Variants in ERCC4 observed in about 807,000 individuals in gnomAD.
ERCC4 encodes the protein ERCC excision repair 4, endonuclease catalytic subunit, also known as DNA repair endonuclease XPF.
A neutral mutation model predicts 76.9 loss-of-function variants in ERCC4; 65 were observed. The ratio of observed to expected loss-of-function variants is 0.84; its 90% CI spans 0.69 to 1.04. ERCC4 has a LOEUF of 1.04. Ranked by LOEUF, ERCC4 falls within the 50% of genes least tolerant of loss-of-function variation. ERCC4 has a pLI of 0.00. For synonymous variants in ERCC4, 463 were observed against 410.1 expected, an observed-to-expected ratio of 1.13 and a Z score of -1.56; for missense variants, 1,214 against 1,128.2, an observed-to-expected ratio of 1.08 and a Z score of -1.09.
chr16:13,925,967 G>A (rs752113686), intron 2 of ERCC4, among the ~76,000 whole-genome samples: 1 of 152,090 alleles, frequency 6.6e-6, no homozygotes, highest in African/African-American at 2.4e-5. Context: ...TAAGTATGTC[G>A]ATTGAAGGTT....
intron 9 of ERCC4, among the ~76,000 whole-genome samples, chr16:13,943,234 C>T (rs543148173): frequency 6.6e-6 from 1 of 152,176 alleles, no homozygotes. Context: ...TTCATTTCCT[C>T]TAATGGGTGT....
Position 13,951,743 on chromosome 16 carries a change from G to A in ERCC4, c.*3396G>A. 4.5e-6 allele frequency: 1 copy of A among 221,888 alleles called. No homozygotes were observed. The highest frequency in any genetic ancestry group is 9.0e-6 in the Non-Finnish European group (1 of 110,978). 13.7% of individuals were successfully genotyped at this position (221,888 alleles called of 1,614,324 possible). ...TACACTAAAGCAAATCCGAAGAAGT[G>A]GGGCAGGGGGAAAGAGGCATTACTG... On this transcript the variant is annotated 3_prime_UTR_variant, in exon 11 of 11. Coordinates refer to ENST00000311895, the MANE Select transcript of ERCC4 (RefSeq NM_005236.3).
At chr16:13,938,171 A>G (rs994175865) in intron 9 of ERCC4, among the ~76,000 whole-genome samples, 4 of 152,160 alleles carry the variant, frequency 2.6e-5, no homozygotes, top group African/African-American at 9.7e-5. Flanking sequence ...TATAGCTAAA[A>G]TACTGCTTTT....
At position 13,932,223 on chromosome 16, in the gene ERCC4, C is replaced by A; in HGVS notation, c.1040C>A (p.Pro347Gln). 1 of 1,611,754 alleles carries A rather than the reference C, an allele frequency of 6.2e-7. No homozygotes were observed. The highest frequency in any genetic ancestry group is 8.5e-7 in the Non-Finnish European group (1 of 1,178,094). ...INARARVYHL[P>Q]DAKMSKKEKI... ...GCTCGAGCAAGGGTTTATCATCTTCCAGATGCCAAAATGAGTAAAAAAGAA... is the reference window on the plus strand; with the variant it reads ...GCTCGAGCAAGGGTTTATCATCTTCAAGATGCCAAAATGAGTAAAAAAGAA... The change falls in exon 6 of 11, where the codon CCA becomes CAA. Residue 347 changes from proline (P) to glutamine (Q), a missense_variant. Physicochemically the swap from Pro to Gln is moderately conservative, Grantham distance 76. Transcript: ENST00000311895.
At chr16:13,927,283 G>A (rs1450485351) in intron 3 of ERCC4, among the ~76,000 whole-genome samples, 2 of 152,178 alleles carry the variant, frequency 1.3e-5, no homozygotes, top group Non-Finnish European at 2.9e-5. Context: ...TGTACACCGG[G>A]TGCAGTGGCT....
At chr16:13,944,371 TACAA>T (rs1324079578) in intron 9 of ERCC4, among the ~76,000 whole-genome samples, 1 of 152,198 alleles carries the variant, frequency 6.6e-6, no homozygotes, top group Non-Finnish European at 1.5e-5. Flanking sequence ...ACTTTAACCT[TACAA>T]ACAGTCTCAA....
chr16:13,930,250 C>T (rs1250835232), intron 4 of ERCC4, among the ~76,000 whole-genome samples: 1 of 152,038 alleles, frequency 6.6e-6, no homozygotes, highest in Non-Finnish European at 1.5e-5. Context: ...TGTGTATGCC[C>T]TCTGCTTGGT....
At chr16:13,923,003 A>G (rs2032007183) in intron 2 of ERCC4, among the ~76,000 whole-genome samples, 1 of 146,078 alleles carries the variant, frequency 6.8e-6, no homozygotes. Context: ...TTCCTAAAAT[A>G]TTTAGTTTTC....
At chr16:13,944,966 T>C in intron 10 of ERCC4, 131 bp downstream of exon 10, 1 of 638,520 alleles carries the variant, frequency 1.6e-6, no homozygotes, top group Middle Eastern at 3.7e-4. Context: ...GGAGAGGATG[T>C]GTACTTCCCT....
intron 6 of ERCC4, 166 bp downstream of exon 6, chr16:13,932,451 A>G: frequency 7.5e-6 from 5 of 665,668 alleles, no homozygotes; most frequent in South Asian, 7.5e-5. Flanking sequence ...TTGAAAGTAT[A>G]TATGTAAAGT....
chr16:13,951,592 C>T lies in ERCC4; in HGVS notation c.*3245C>T. On this transcript the variant is annotated 3_prime_UTR_variant, in exon 11 of 11. Transcript: ENST00000311895. ...TGAGTACATCCTGGATACAGTTTCC[C>T]AGCTCATGAGGGACTGAAAATAGTC... is the stretch of plus-strand genomic sequence containing the variant. The T allele has an allele frequency of 4.7e-6, 1 of 213,634 alleles. No homozygotes were observed. Among genetic ancestry groups the T allele is most frequent in the Non-Finnish European group, 9.5e-6 (1 of 105,728 alleles). 13.2% of individuals were successfully genotyped at this position (213,634 alleles called of 1,614,324 possible).
chr16:13,933,937 GTC>G (rs539521247), intron 6 of ERCC4: 60 of 399,164 alleles, frequency 1.5e-4, no homozygotes, highest in Non-Finnish European at 2.5e-4. Flanking sequence ...ACACAGAATG[GTC>G]TCTCATTAGT....
At chr16:13,945,341 G>C (rs1321604060) in intron 10 of ERCC4, among the ~76,000 whole-genome samples, 1 of 152,074 alleles carries the variant, frequency 6.6e-6, no homozygotes, top group East Asian at 1.9e-4. Context: ...CCTGGTGTCT[G>C]GTACGCATTG....
Position 13,920,400 on chromosome 16 carries a change from G to A in ERCC4, c.207+28G>A, listed in dbSNP as rs755820867. 79 of 1,537,164 alleles carry A rather than the reference G, an allele frequency of 5.1e-5. No individual in the cohort carries two copies. The African/African-American group carries it at 9.3e-4, about 18-fold the overall frequency. ...GCGGCCGCGCTGGCGCGGGAGTGAG[G>A]GGACTCCGAGAGTGTTGAGGGCCTC... On this transcript the variant is annotated intron_variant, in intron 1 of 10. Transcript: ENST00000311895.
Position 13,944,756 on chromosome 16 carries a change from A to G in ERCC4, c.1938A>G (p.Arg646=), listed in dbSNP as rs759544889. The change falls in exon 10 of 11, where the codon AGA becomes AGG. Residue 646 remains arginine (R), a synonymous_variant. Transcript: ENST00000311895. ...CAAGCATGGTTGTCCCTGAAGAAAGAGAAGGCAGAGATGAAACAAACTTAG... is the reference window on the plus strand; with the variant it reads ...CAAGCATGGTTGTCCCTGAAGAAAGGGAAGGCAGAGATGAAACAAACTTAG... The part of the protein sequence containing the change: ...EKASMVVPEE[R]EGRDETNLDL... The G allele has an allele frequency of 5.0e-6, 8 of 1,613,934 alleles. No homozygotes were observed. In the South Asian group the frequency reaches 8.8e-5, roughly 18 times the overall value.
rs2032583715 is a variant in ERCC4, at chr16:13,949,223, A to G, written c.*876A>G. ...ATTTTTGCACATATTCAGTCTCCTAATATCAGAGATCCCTAAGTCCAGCTG... is the reference window on the plus strand; with the variant it reads ...ATTTTTGCACATATTCAGTCTCCTAGTATCAGAGATCCCTAAGTCCAGCTG... On this transcript the variant is annotated 3_prime_UTR_variant, in exon 11 of 11. Transcript: ENST00000311895. 4.3e-6 allele frequency: 1 copy of G among 233,324 alleles called. No individual in the cohort carries two copies. The highest frequency in any genetic ancestry group is 8.5e-6 in the Non-Finnish European group (1 of 118,068). 14.5% of individuals were successfully genotyped at this position (233,324 alleles called of 1,614,324 possible).
intron 9 of ERCC4, among the ~76,000 whole-genome samples, chr16:13,943,191 A>T (rs979156973): frequency 2.8e-4 from 42 of 152,356 alleles, no homozygotes; most frequent in African/African-American, 9.6e-4. Flanking sequence ...TAAAATATTT[A>T]TCCAGAGTGG....
intron 2 of ERCC4, among the ~76,000 whole-genome samples, chr16:13,924,445 TTTTGA>T (rs1188371424): frequency 1.3e-5 from 2 of 152,210 alleles, no homozygotes; most frequent in African/African-American, 4.8e-5. Flanking sequence ...TCAGTTACAC[TTTTGA>T]TTTGTGTACC....
At chr16:13,945,438 C>T (rs761123316) in intron 10 of ERCC4, among the ~76,000 whole-genome samples, 1 of 152,134 alleles carries the variant, frequency 6.6e-6, no homozygotes, top group African/African-American at 2.4e-5. Flanking sequence ...TTTCCCATTC[C>T]CCAAATTCCT....
Sources: gnomAD v4.1 joint callset for allele counts (sites outside exome capture counted in the v4.1 genomes callset) on GRCh38, gnomAD v4.1.1 for gene constraint, MANE v1.5 for transcripts, NCBI Gene and HGNC (gene_info 2026-07-23, HGNC 2026-07-21) for gene names.